Variants in KIAA1217 observed in about 807,000 individuals in gnomAD.
KIAA1217 encodes the protein KIAA1217, also known as sickle tail protein homolog.
A neutral mutation model predicts 163.9 loss-of-function variants in KIAA1217; 88 were observed. The observed-to-expected ratio is 0.54, with a 90% CI of 0.45 to 0.64. KIAA1217 has a LOEUF of 0.64. Ranked by LOEUF, KIAA1217 falls within the 30% of genes least tolerant of loss-of-function variation. KIAA1217 has a pLI of 0.00. For missense variants in KIAA1217, 2,372 were observed against 2,475.0 expected (o/e 0.96, Z 0.88); for synonymous variants, 903 against 923.1 (o/e 0.98, Z 0.39).
chr10:23,838,681 G>A (rs988673255), intron 1 of KIAA1217, among the ~76,000 whole-genome samples: 2 of 152,118 alleles, frequency 1.3e-5, no homozygotes, highest in African/African-American at 4.8e-5. Flanking sequence ...GGCTGGTTTC[G>A]AACTCCTGAC....
intron 5 of KIAA1217, among the ~76,000 whole-genome samples, chr10:24,447,860 G>A (rs569738908): frequency 2.6e-5 from 4 of 152,234 alleles, no homozygotes; most frequent in Admixed American, 6.5e-5. Context: ...GGCTGAGCGC[G>A]GTGGCTCACA....
In KIAA1217 at chr10:23,790,621, A is replaced by G. The variant is rs140661068; in HGVS notation, c.-321+95387A>G. On this transcript the variant is annotated intron_variant, in intron 1 of 18. Transcript: ENST00000376462. Reference sequence around the variant, plus strand: ...CATGTACATATATACATATGTATATATACATATATATGTACATGTATACAT... The same window carrying G: ...CATGTACATATATACATATGTATATGTACATATATATGTACATGTATACAT... Among the ~76,000 whole-genome samples the G allele has an allele frequency of 8.4e-3, 1,095 of 129,806 alleles. 117 individuals are homozygous for G. The highest frequency in any genetic ancestry group is 0.024 in the South Asian group (101 of 4,148). 85.2% of individuals were successfully genotyped at this position (129,806 alleles called of 152,430 possible).
At chr10:24,081,699 A>G (rs1439489166) in intron 2 of KIAA1217, among the ~76,000 whole-genome samples, 1 of 152,170 alleles carries the variant, frequency 6.6e-6, no homozygotes, top group Non-Finnish European at 1.5e-5. Flanking sequence ...CATTAACACT[A>G]GTGATAGCTG....
In KIAA1217 at chr10:24,216,696, G is replaced by A. The variant is rs181416900; in HGVS notation, c.71-2930G>A. ...ACAAAAATTAGCCGGGCATGGTTGCGCACGGCTGTAATCTCAGCTACTCGG... is the reference window on the plus strand; with the variant it reads ...ACAAAAATTAGCCGGGCATGGTTGCACACGGCTGTAATCTCAGCTACTCGG... On this transcript the variant is annotated intron_variant, in intron 1 of 20. Transcript: ENST00000376454. Among the ~76,000 whole-genome samples, 24 of 151,338 alleles carry A rather than the reference G, an allele frequency of 1.6e-4. No homozygotes were observed. In the East Asian group the frequency reaches 3.7e-3, roughly 23 times the overall value.
chr10:24,075,645 C>T (rs900926518), intron 2 of KIAA1217, among the ~76,000 whole-genome samples: 1 of 149,186 alleles, frequency 6.7e-6, no homozygotes, highest in Non-Finnish European at 1.5e-5. Context: ...GCTCTGTTGC[C>T]CAGGCTGGAG....
intron 1 of KIAA1217, among the ~76,000 whole-genome samples, chr10:23,709,208 G>A (rs1837076328): frequency 6.6e-6 from 1 of 152,122 alleles, no homozygotes; most frequent in Non-Finnish European, 1.5e-5. Flanking sequence ...TATAGCAGTA[G>A]TGGAGGAAAA....
chr10:24,064,069 C>T (rs1210599072), intron 2 of KIAA1217, among the ~76,000 whole-genome samples: 1 of 152,148 alleles, frequency 6.6e-6, no homozygotes, highest in Admixed American at 6.6e-5. Flanking sequence ...TCTAGATACA[C>T]AATCATGTCA....
At chr10:23,831,751 T>C (rs1488533938) in intron 1 of KIAA1217, among the ~76,000 whole-genome samples, 1 of 152,184 alleles carries the variant, frequency 6.6e-6, no homozygotes, top group East Asian at 1.9e-4. Flanking sequence ...ATCCAGGTGA[T>C]ATGTATAAAT....
intron 2 of KIAA1217, among the ~76,000 whole-genome samples, chr10:24,059,111 A>C (rs1474412590): frequency 1.3e-5 from 2 of 152,086 alleles, no homozygotes; most frequent in Non-Finnish European, 2.9e-5. Flanking sequence ...TTATAATTAC[A>C]TTTTCTGCAT....
intron 1 of KIAA1217, among the ~76,000 whole-genome samples, chr10:23,849,623 C>G (rs138582345): frequency 6.6e-6 from 1 of 151,970 alleles, no homozygotes; most frequent in African/African-American, 2.4e-5. Context: ...TGTATATATA[C>G]GTAACAAACC....
chr10:24,030,677 C>G lies in KIAA1217; in HGVS notation c.-171+23303C>G, dbSNP rs113779401. On this transcript the variant is annotated intron_variant, in intron 2 of 18. Coordinates refer to the KIAA1217 transcript ENST00000376462. ...CATTAAACACGAACTCCTCATTTCC[C>G]CTTCCCCAGTGCCTGATAGCCACCA... is the stretch of plus-strand genomic sequence containing the variant. Among the ~76,000 whole-genome samples the G allele has an allele frequency of 9.9e-4, 150 of 152,274 alleles. 2 individuals are homozygous for G. The highest frequency in any genetic ancestry group is 3.4e-3 in the African/African-American group (142 of 41,558).
At chr10:24,490,871 G>A (rs10764474) in intron 6 of KIAA1217, among the ~76,000 whole-genome samples, 73,289 of 151,980 alleles carry the variant, frequency 0.48, 17,876 homozygotes, top group South Asian at 0.55. Context: ...TGCCCTGAAC[G>A]AGGCCATCCA....
chr10:23,978,971 G>T (rs1845653173), intron 1 of KIAA1217, among the ~76,000 whole-genome samples: 1 of 152,028 alleles, frequency 6.6e-6, no homozygotes, highest in Admixed American at 6.6e-5. Flanking sequence ...CTACTTGCAT[G>T]TCACCTGGGA....
intron 6 of KIAA1217, among the ~76,000 whole-genome samples, chr10:24,477,719 T>C (rs541697522): frequency 1.3e-5 from 2 of 152,314 alleles, no homozygotes; most frequent in South Asian, 4.1e-4. Flanking sequence ...TATGCAGAAA[T>C]AGGGGAAGAA....
At chr10:23,807,815 A>C (rs1301485708) in intron 1 of KIAA1217, among the ~76,000 whole-genome samples, 5 of 152,232 alleles carry the variant, frequency 3.3e-5, no homozygotes, top group Non-Finnish European at 5.9e-5. Flanking sequence ...ACTGGCATTT[A>C]AATGGACCAT....
At chr10:24,122,417 T>C (rs1376202021) in intron 2 of KIAA1217, among the ~76,000 whole-genome samples, 1 of 152,178 alleles carries the variant, frequency 6.6e-6, no homozygotes, top group East Asian at 1.9e-4. Context: ...TCTAGGTTGA[T>C]TCCATGTCCT....
intron 2 of KIAA1217, among the ~76,000 whole-genome samples, chr10:24,022,926 G>GAAA (rs5783873): frequency 7.1e-6 from 1 of 141,534 alleles, no homozygotes; most frequent in African/African-American, 2.6e-5. Context: ...TACTTGATCT[G>GAAA]AAAAAAAAAA....
chr10:24,306,822 T>C (rs956112738), intron 2 of KIAA1217, among the ~76,000 whole-genome samples: 1 of 152,252 alleles, frequency 6.6e-6, no homozygotes, highest in Admixed American at 6.5e-5. Flanking sequence ...GATGTTTCTG[T>C]TCTCACTGAC....
chr10:24,524,867 G>T, intron 13 of KIAA1217, 103 bp downstream of exon 13: 2 of 1,065,008 alleles, frequency 1.9e-6, no homozygotes, highest in Non-Finnish European at 2.7e-6. Flanking sequence ...ATTGTGTATG[G>T]ATCAGAGACA....
Sources: gnomAD v4.1 joint callset for allele counts (sites outside exome capture counted in the v4.1 genomes callset) on GRCh38, gnomAD v4.1.1 for gene constraint, MANE v1.5 for transcripts, NCBI Gene and HGNC (gene_info 2026-07-23, HGNC 2026-07-21) for gene names.